SMOC2: variants seen among roughly 807,000 people sequenced by gnomAD.
The protein encoded by SMOC2 is SPARC related modular calcium binding 2.
A neutral mutation model predicts 61.4 loss-of-function variants in SMOC2; 39 were observed. That is an observed-to-expected ratio of 0.64 (90% CI 0.49 to 0.83). The LOEUF is 0.83. Ranked by LOEUF, SMOC2 falls within the 40% of genes least tolerant of loss-of-function variation. The pLI is 0.00. For missense variants in SMOC2, 556 were observed against 592.9 expected (o/e 0.94, Z 0.65); for synonymous variants, 247 against 239.9 (o/e 1.03, Z -0.27).
intron 2 of SMOC2, among the ~76,000 whole-genome samples, chr6:168,523,377 C>T (rs1477114761): frequency 2.0e-5 from 3 of 148,176 alleles, no homozygotes; most frequent in African/African-American, 5.0e-5. Flanking sequence ...CGTGAGCCAC[C>T]GCGCCCGGCC....
intron 7 of SMOC2, among the ~76,000 whole-genome samples, chr6:168,559,413 C>T (rs1006976375): frequency 5.3e-5 from 8 of 151,644 alleles, no homozygotes; most frequent in Non-Finnish European, 1.0e-4. Flanking sequence ...TGAGATTGTA[C>T]CACTGCACTC....
intron 1 of SMOC2, among the ~76,000 whole-genome samples, chr6:168,460,845 C>T (rs1010119342): frequency 1.3e-5 from 2 of 152,142 alleles, no homozygotes; most frequent in Admixed American, 6.5e-5. Flanking sequence ...ATAATGTCAA[C>T]ATATTGTAGA....
At chr6:168,579,075 G>T (rs982328432) in intron 7 of SMOC2, among the ~76,000 whole-genome samples, 1 of 152,168 alleles carries the variant, frequency 6.6e-6, no homozygotes, top group Non-Finnish European at 1.5e-5. Context: ...TGCAGATGGG[G>T]AAACAGGCTT....
intron 1 of SMOC2, among the ~76,000 whole-genome samples, chr6:168,449,145 G>A (rs1261251821): frequency 6.6e-6 from 1 of 152,134 alleles, no homozygotes; most frequent in Non-Finnish European, 1.5e-5. Flanking sequence ...TCTGTTGTCT[G>A]ATTCCCAGTG....
chr6:168,447,912 G>A lies in SMOC2; in HGVS notation c.84+6458G>A, dbSNP rs116022085. Among the ~76,000 whole-genome samples, 728 of 151,784 alleles carry A rather than the reference G, an allele frequency of 4.8e-3. 6 individuals are homozygous for A. The highest frequency in any genetic ancestry group is 0.016 in the African/African-American group (680 of 41,370). ...TTTTGTTTATCTCTTACTCTGTTCA[G>A]TGATCAGTGAAGGCGCTAGAATCAA... is the stretch of plus-strand genomic sequence containing the variant. On this transcript the variant is annotated intron_variant, in intron 1 of 12. Transcript: ENST00000356284.
At chr6:168,496,054 C>T (rs1036580592) in intron 1 of SMOC2, among the ~76,000 whole-genome samples, 1 of 152,350 alleles carries the variant, frequency 6.6e-6, no homozygotes, top group East Asian at 1.9e-4. Context: ...CAAAAGTCTC[C>T]AAGCTTCTCA....
At chr6:168,492,560 A>T (rs1723396155) in intron 1 of SMOC2, among the ~76,000 whole-genome samples, 1 of 152,264 alleles carries the variant, frequency 6.6e-6, no homozygotes, top group East Asian at 1.9e-4. Context: ...GGCAGAAAAT[A>T]TACACACAAG....
rs149516060 is a variant in SMOC2 at position 168,557,738 on chromosome 6, G to A, written c.637+8535G>A. The stretch of plus-strand genomic sequence containing the variant: ...AGTTGCTCATGGGTCTGATGTTGAC[G>A]TCACCAGTTGCTCATGGGTCTGATG... On this transcript the variant is annotated intron_variant, in intron 7 of 12. Transcript: ENST00000356284. Among the ~76,000 whole-genome samples, 1,385 of 152,166 alleles carry A rather than the reference G, an allele frequency of 9.1e-3. 10 individuals carry two copies. The highest frequency in any genetic ancestry group is 0.025 in the African/African-American group (1,029 of 41,482).
intron 4 of SMOC2, among the ~76,000 whole-genome samples, chr6:168,528,511 T>G (rs1046521374): frequency 6.6e-6 from 1 of 152,244 alleles, no homozygotes; most frequent in Non-Finnish European, 1.5e-5. Flanking sequence ...CTTGAAACAT[T>G]TGCATTTAGA....
intron 1 of SMOC2, among the ~76,000 whole-genome samples, chr6:168,493,257 G>A (rs936445823): frequency 3.8e-4 from 58 of 152,112 alleles, no homozygotes; most frequent in East Asian, 2.5e-3. Context: ...GGCTGGTCTC[G>A]AACTCCTGAT....
At chr6:168,586,615 G>T (rs1785051012) in intron 7 of SMOC2, among the ~76,000 whole-genome samples, 1 of 152,076 alleles carries the variant, frequency 6.6e-6, no homozygotes, top group South Asian at 2.1e-4. Context: ...CCATTAACAT[G>T]GTACATCTCT....
In SMOC2 at chr6:168,547,172, G is replaced by A; in HGVS notation, c.562+3G>A. 6.2e-7 allele frequency: 1 copy of A among 1,614,002 alleles called. No homozygotes were observed. Among genetic ancestry groups the A allele is most frequent in the Non-Finnish European group, 8.5e-7 (1 of 1,179,946 alleles). ...TCAGCCTCAAGGAGATGAAGAAGGT[G>A]AGCCGGGGTGGGGATTGCACAGTCT... On this transcript the variant is annotated splice_donor_region_variant and intron_variant, in intron 6 of 12. Transcript: ENST00000356284.
chr6:168,575,605 G>C (rs1167484981), intron 7 of SMOC2, among the ~76,000 whole-genome samples: 1 of 152,194 alleles, frequency 6.6e-6, no homozygotes, highest in Non-Finnish European at 1.5e-5. Flanking sequence ...CGAAGGGTCT[G>C]TCTTTACTGT....
At chr6:168,581,489 C>T (rs1784917176) in intron 7 of SMOC2, among the ~76,000 whole-genome samples, 1 of 152,154 alleles carries the variant, frequency 6.6e-6, no homozygotes, top group Non-Finnish European at 1.5e-5. Flanking sequence ...CCGGACGGGT[C>T]TGACACTGAC....
chr6:168,556,328 G>A (rs1461802145), intron 7 of SMOC2, among the ~76,000 whole-genome samples: 1 of 152,204 alleles, frequency 6.6e-6, no homozygotes, highest in Non-Finnish European at 1.5e-5. Context: ...CACATGGGGT[G>A]CGGGAGCAGC....
rs1295931612 is a variant in SMOC2 at position 168,452,064 on chromosome 6, G to T, written c.84+10610G>T. Among the ~76,000 whole-genome samples the T allele has an allele frequency of 6.6e-6, 1 of 152,208 alleles. No individual in the cohort carries two copies. The highest frequency in any genetic ancestry group is 1.5e-5 in the Non-Finnish European group (1 of 68,042). On this transcript the variant is annotated intron_variant, in intron 1 of 12. Coordinates refer to ENST00000356284, the MANE Select transcript of SMOC2 (RefSeq NM_001166412.2). The surrounding 1 kb of genome is among the most constrained non-coding windows in gnomAD (Gnocchi z 5.0). ...TGGCTGAGCTCTGTCTTTTAGGGGAGGGTCGCATGGTGGGGTCTGGGGTTA... is the reference window on the plus strand; with the variant it reads ...TGGCTGAGCTCTGTCTTTTAGGGGATGGTCGCATGGTGGGGTCTGGGGTTA...
chr6:168,492,591 G>A (rs940148957), intron 1 of SMOC2, among the ~76,000 whole-genome samples: 8 of 152,228 alleles, frequency 5.3e-5, no homozygotes, highest in African/African-American at 1.9e-4. Context: ...GAATTTCATA[G>A]TTATTACCAC....
At chr6:168,660,632 T>TTCAGCGCAGG (rs1787484361) in intron 11 of SMOC2, among the ~76,000 whole-genome samples, 1 of 152,206 alleles carries the variant, frequency 6.6e-6, no homozygotes, top group African/African-American at 2.4e-5. Flanking sequence ...GGAAGGCAGG[T>TTCAGCGCAGG]TCAGCGCAGG....
intron 1 of SMOC2, among the ~76,000 whole-genome samples, chr6:168,504,282 G>T (rs1390033944): frequency 1.3e-5 from 2 of 151,402 alleles, no homozygotes; most frequent in Non-Finnish European, 2.9e-5. Context: ...TACATTTATT[G>T]CGCACTTTAT....
Sources: allele counts gnomAD v4.1 joint callset (sites outside exome capture counted in the v4.1 genomes callset), GRCh38; gene constraint gnomAD v4.1.1; non-coding constraint Gnocchi (gnomAD v3.1); transcripts MANE v1.5; gene names NCBI Gene and HGNC (gene_info 2026-07-23, HGNC 2026-07-21).